The following ARID1B variants were observed in gnomAD, a reference collection of about 807,000 sequenced individuals.
ARID1B encodes the protein AT-rich interaction domain 1B.
In ARID1B, 30 loss-of-function variants were observed where a neutral mutation model predicts 212.3. The ratio of observed to expected loss-of-function variants is 0.14; its 90% CI spans 0.11 to 0.19. ARID1B has a LOEUF of 0.19. Ranked by LOEUF, ARID1B falls within the 10% of genes least tolerant of loss-of-function variation. ARID1B has a pLI of 1.00. For missense variants in ARID1B, 2,891 were observed against 3,204.0 expected, an observed-to-expected ratio of 0.90 and a Z score of 2.36; for synonymous variants, 1,402 against 1,301.7, an observed-to-expected ratio of 1.08 and a Z score of -1.66.
intron 3 of ARID1B, among the ~76,000 whole-genome samples, chr6:156,920,233 C>T (rs528761058): frequency 3.3e-5 from 5 of 152,364 alleles, no homozygotes; most frequent in East Asian, 3.9e-4. Context: ...TCTCTGATAC[C>T]CTGCTCCTGC....
intron 5 of ARID1B, 143 bp downstream of exon 5, chr6:157,085,048 G>A (rs565140775): frequency 3.8e-5 from 40 of 1,047,786 alleles, no homozygotes; most frequent in African/African-American, 1.1e-4. Flanking sequence ...CAAGGCATAC[G>A]AGAGTCCCAG....
rs1263775695 is a variant in ARID1B, at chr6:157,206,695, T to C, written c.5923T>C (p.Ser1975Pro). 6.2e-7 allele frequency: 1 copy of C among 1,611,880 alleles called. No individual in the cohort carries two copies. Among genetic ancestry groups the C allele is most frequent in the African/African-American group, 1.3e-5 (1 of 74,610 alleles). ...CAGGCGCCCACCTCCCCCCTTAAGCTCCGCAGGTAGAAAGAAAGAGCAAGA... is the reference window on the plus strand; with the variant it reads ...CAGGCGCCCACCTCCCCCCTTAAGCCCCGCAGGTAGAAAGAAAGAGCAAGA... ...PRRRPPPPLS[S>P]AGRKKEQEGK... Residue 1975 changes from serine to proline, a missense_variant, in exon 20 of 20, where the codon TCC becomes CCC. Transcript: ENST00000636930. This position sits in a 1 kb window ranked among gnomAD's most constrained non-coding sequence, Gnocchi z 6.8.
At chr6:156,915,316 C>G (rs181109370) in intron 3 of ARID1B, among the ~76,000 whole-genome samples, 59 of 152,286 alleles carry the variant, frequency 3.9e-4, no homozygotes, top group Middle Eastern at 3.4e-3. Flanking sequence ...CCTGTAATCC[C>G]AGCCCTTTGG....
chr6:157,101,114 A>C (rs1015168127), intron 5 of ARID1B, among the ~76,000 whole-genome samples: 13 of 152,216 alleles, frequency 8.5e-5, no homozygotes, highest in African/African-American at 2.9e-4. Context: ...TTGCACAGTC[A>C]GTGGGAAGCA....
chr6:157,144,165 C>T (rs1789562430), intron 7 of ARID1B, among the ~76,000 whole-genome samples: 1 of 152,178 alleles, frequency 6.6e-6, no homozygotes, highest in Non-Finnish European at 1.5e-5. Flanking sequence ...TAGTTTCTTT[C>T]CTTTGTGTTC....
At chr6:157,078,283 T>G (rs1784430028) in intron 4 of ARID1B, among the ~76,000 whole-genome samples, 1 of 152,186 alleles carries the variant, frequency 6.6e-6, no homozygotes, top group Non-Finnish European at 1.5e-5. Flanking sequence ...CTCGTGGCCA[T>G]AATCATGAGC....
intron 4 of ARID1B, among the ~76,000 whole-genome samples, chr6:156,999,250 C>A (rs1472048177): frequency 1.3e-5 from 2 of 152,198 alleles, no homozygotes; most frequent in African/African-American, 4.8e-5. Context: ...ACTAGTTATC[C>A]TTGGGATATG....
intron 7 of ARID1B, among the ~76,000 whole-genome samples, chr6:157,133,832 C>T (rs1043043847): frequency 3.9e-5 from 6 of 152,284 alleles, no homozygotes; most frequent in Middle Eastern, 3.4e-3. Flanking sequence ...CATTGGCCTT[C>T]CTCCTTCCTG....
chr6:156,989,936 A>T (rs1009344709), intron 4 of ARID1B, among the ~76,000 whole-genome samples: 16 of 152,182 alleles, frequency 1.1e-4, no homozygotes, highest in African/African-American at 3.9e-4. Context: ...CTTATGGTTG[A>T]TACCTTTGAT....
chr6:156,900,296 C>G (rs1056022773), intron 2 of ARID1B, among the ~76,000 whole-genome samples: 2 of 152,130 alleles, frequency 1.3e-5, no homozygotes, highest in African/African-American at 2.4e-5. Context: ...TCCCCTTTTA[C>G]CCCATTGTAT....
intron 1 of ARID1B, among the ~76,000 whole-genome samples, chr6:156,802,986 T>C (rs2115365610): frequency 1.3e-5 from 2 of 152,348 alleles, no homozygotes; most frequent in East Asian, 3.9e-4. Flanking sequence ...GATTATACTT[T>C]TGCATGTTTC....
intron 4 of ARID1B, among the ~76,000 whole-genome samples, chr6:157,060,708 G>A (rs1166008788): frequency 7.5e-6 from 1 of 133,722 alleles, no homozygotes; most frequent in Non-Finnish European, 1.5e-5. Context: ...TGCTGTCTTG[G>A]CACAGATTCA....
At chr6:156,791,934 TTTTG>T (rs1300817483) in intron 1 of ARID1B, among the ~76,000 whole-genome samples, 3 of 152,208 alleles carry the variant, frequency 2.0e-5, no homozygotes, top group Admixed American at 1.3e-4. Flanking sequence ...ATCTTTGAAT[TTTTG>T]TTTATTTCCT....
chr6:156,905,840 T>G (rs953367454), intron 3 of ARID1B, among the ~76,000 whole-genome samples: 20 of 152,250 alleles, frequency 1.3e-4, no homozygotes, highest in African/African-American at 4.6e-4. Context: ...ATCACGCTAT[T>G]TTCTAAGAAT....
rs904164108 is a variant in ARID1B at position 156,955,428 on chromosome 6, C to A, written c.2247+19852C>A. Among the ~76,000 whole-genome samples the A allele has an allele frequency of 1.3e-5, 2 of 152,174 alleles. No homozygotes were observed. Among genetic ancestry groups the A allele is most frequent in the Admixed American group, 1.3e-4 (2 of 15,280 alleles). ...TCTGAGGCTAGGTGGGGATCCAGAA[C>A]AACGCTATAGTCCTTTCTGTATATG... On this transcript the variant is annotated intron_variant, in intron 4 of 19. Transcript: ENST00000636930. The surrounding 1 kb of genome is among the most constrained non-coding windows in gnomAD (Gnocchi z 4.2).
chr6:156,829,184 T>C, intron 1 of ARID1B, 43 bp from the exon 2 acceptor site: 2 of 1,527,566 alleles, frequency 1.3e-6, no homozygotes, highest in Non-Finnish European at 1.8e-6. Context: ...GCCTTTGTAA[T>C]AAAGAATGAA....
intron 1 of ARID1B, among the ~76,000 whole-genome samples, chr6:156,780,102 A>G (rs1253948853): frequency 6.6e-6 from 1 of 152,156 alleles, no homozygotes; most frequent in Non-Finnish European, 1.5e-5. Context: ...AATAATAACA[A>G]AATTTACAAC....
At chr6:156,861,071 G>A (rs911704442) in intron 2 of ARID1B, among the ~76,000 whole-genome samples, 7 of 152,276 alleles carry the variant, frequency 4.6e-5, no homozygotes, top group Non-Finnish European at 7.4e-5. Flanking sequence ...TAGTAGAGCC[G>A]AGACGGAGAG....
intron 4 of ARID1B, among the ~76,000 whole-genome samples, chr6:156,959,407 G>T (rs1794201166): frequency 6.6e-6 from 1 of 151,970 alleles, no homozygotes; most frequent in South Asian, 2.1e-4. Context: ...TTTTTAATTT[G>T]TATTATTTTT....
Sources: gnomAD v4.1 joint callset for allele counts (sites outside exome capture counted in the v4.1 genomes callset) on GRCh38, gnomAD v4.1.1 for gene constraint, Gnocchi (gnomAD v3.1) non-coding constraint, MANE v1.5 for transcripts, NCBI Gene and HGNC (gene_info 2026-07-23, HGNC 2026-07-21) for gene names.